DOK6: variants seen among roughly 807,000 people sequenced by gnomAD.
DOK6 encodes docking protein 6.
DOK6 carries 22 observed loss-of-function variants against 44.0 expected under a neutral mutation model. That is an observed-to-expected ratio of 0.50 (90% CI 0.36 to 0.71). The LOEUF (loss-of-function observed/expected upper bound fraction) is 0.71, where lower values mean the gene tolerates loss of function less well. Ranked by LOEUF, DOK6 falls within the 30% of genes least tolerant of loss-of-function variation. The probability of loss-of-function intolerance (pLI) is 0.00; values close to 1 mark genes in which losing one functional copy is unlikely to be tolerated. For missense variants in DOK6, 340 were observed against 416.4 expected (o/e 0.82, Z 1.60); for synonymous variants, 166 against 145.5 (o/e 1.14, Z -1.01).
intron 3 of DOK6, among the ~76,000 whole-genome samples, chr18:69,629,179 A>T (rs1984629756): frequency 6.6e-6 from 1 of 152,204 alleles, no homozygotes; most frequent in Non-Finnish European, 1.5e-5. Context: ...AGGCAGCTTC[A>T]TATCTATGCA....
intron 3 of DOK6, among the ~76,000 whole-genome samples, chr18:69,667,146 C>T (rs1985681005): frequency 1.3e-5 from 2 of 152,180 alleles, no homozygotes; most frequent in East Asian, 1.9e-4. Flanking sequence ...TCTAGAATCT[C>T]ATATCTTGGG....
At chr18:69,550,630 A>G (rs1010325691) in intron 1 of DOK6, among the ~76,000 whole-genome samples, 1 of 152,174 alleles carries the variant, frequency 6.6e-6, no homozygotes. Context: ...TGAGAAAAAT[A>G]TGAGGAAAAT....
intron 1 of DOK6, among the ~76,000 whole-genome samples, chr18:69,558,539 A>G (rs1246776687): frequency 1.3e-5 from 2 of 152,190 alleles, no homozygotes; most frequent in African/African-American, 4.8e-5. Flanking sequence ...TGACTAGTCC[A>G]TAGCCATGGT....
chr18:69,808,443 G>A (rs1981119022), intron 7 of DOK6, among the ~76,000 whole-genome samples: 1 of 151,552 alleles, frequency 6.6e-6, no homozygotes, highest in South Asian at 2.1e-4. Context: ...CAGACTCAAA[G>A]TAAACGAGTT....
chr18:69,437,651 G>A (rs1979020644), intron 1 of DOK6, among the ~76,000 whole-genome samples: 1 of 152,058 alleles, frequency 6.6e-6, no homozygotes, highest in Non-Finnish European at 1.5e-5. Flanking sequence ...TTGGCTATAT[G>A]GGCTCTTTTT....
chr18:69,687,533 T>C (rs1460000336), intron 4 of DOK6, among the ~76,000 whole-genome samples: 1 of 151,982 alleles, frequency 6.6e-6, no homozygotes, highest in East Asian at 1.9e-4. Context: ...AACACAAAAA[T>C]TAGCCAGGTG....
intron 5 of DOK6, among the ~76,000 whole-genome samples, chr18:69,721,756 A>G (rs902211752): frequency 1.3e-5 from 2 of 152,240 alleles, no homozygotes; most frequent in Non-Finnish European, 2.9e-5. Context: ...TACATTAATG[A>G]GAATAAAAAT....
chr18:69,573,314 A>C (rs1229779855), intron 2 of DOK6, among the ~76,000 whole-genome samples: 1 of 151,950 alleles, frequency 6.6e-6, no homozygotes, highest in Non-Finnish European at 1.5e-5. Flanking sequence ...GGAACAGTTA[A>C]GGGAATCATC....
intron 5 of DOK6, chr18:69,725,049 A>C (rs917443852): frequency 1.3e-5 from 2 of 152,232 alleles, no homozygotes; most frequent in Admixed American, 1.3e-4. Flanking sequence ...TACATGATTC[A>C]TTCATTTCTA....
At chr18:69,738,898 A>C in intron 5 of DOK6, 67 bp from the exon 6 acceptor site, 2 of 1,575,518 alleles carry the variant, frequency 1.3e-6, no homozygotes, top group Non-Finnish European at 1.7e-6. Context: ...GGCTTTGTCT[A>C]CGTGGAAAAC....
chr18:69,787,781 G>T (rs990112120), intron 7 of DOK6, among the ~76,000 whole-genome samples: 38 of 152,184 alleles, frequency 2.5e-4, no homozygotes, highest in Non-Finnish European at 5.1e-4. Context: ...TGCTTCTCTA[G>T]AGCCTGGGAG....
chr18:69,801,216 G>A (rs2575177), intron 7 of DOK6, among the ~76,000 whole-genome samples: 63,329 of 151,834 alleles, frequency 0.42, 15,042 homozygotes, highest in East Asian at 0.58. Flanking sequence ...CCCCAATCAT[G>A]AATGTTCTTA....
At chr18:69,809,994 G>A (rs1981174377) in intron 7 of DOK6, among the ~76,000 whole-genome samples, 1 of 151,750 alleles carries the variant, frequency 6.6e-6, no homozygotes, top group South Asian at 2.1e-4. Flanking sequence ...CTAAAATTCT[G>A]ATGGAATCAC....
intron 5 of DOK6, among the ~76,000 whole-genome samples, chr18:69,709,898 T>G (rs1308617172): frequency 6.6e-6 from 1 of 152,202 alleles, no homozygotes; most frequent in Non-Finnish European, 1.5e-5. Flanking sequence ...ACTTACTGGC[T>G]AGGCACCACT....
intron 1 of DOK6, among the ~76,000 whole-genome samples, chr18:69,479,184 T>C (rs1167903037): frequency 6.6e-6 from 1 of 152,108 alleles, no homozygotes; most frequent in East Asian, 1.9e-4. Flanking sequence ...ATAGGGTATT[T>C]GCCAGAGGGA....
intron 6 of DOK6, among the ~76,000 whole-genome samples, chr18:69,750,740 A>G (rs542931321): frequency 3.4e-4 from 52 of 152,310 alleles, no homozygotes; most frequent in Non-Finnish European, 6.2e-4. Context: ...TATGTACCCA[A>G]ATGATTTGAA....
rs1016654457 is a variant in DOK6 at position 69,790,436 on chromosome 18, A to T, written c.856+32563A>T. ...TCCCAGAACTTAAAGTATAATTTTT[A>T]AAAAATTGCTGTGTTTCTGAGAACC... On this transcript the variant is annotated intron_variant, in intron 7 of 7. Coordinates refer to ENST00000382713, the MANE Select transcript of DOK6 (RefSeq NM_152721.6). Among the ~76,000 whole-genome samples the T allele has an allele frequency of 2.0e-4, 30 of 152,260 alleles. 1 individual carries two copies. Among genetic ancestry groups the T allele is most frequent in the African/African-American group, 7.0e-4 (29 of 41,554 alleles).
chr18:69,689,520 G>C (rs1040853629), intron 4 of DOK6, among the ~76,000 whole-genome samples: 4 of 152,118 alleles, frequency 2.6e-5, no homozygotes, highest in African/African-American at 9.7e-5. Context: ...TCTGGCAAAA[G>C]ACACTTATAA....
intron 1 of DOK6, among the ~76,000 whole-genome samples, chr18:69,484,613 T>C (rs7239106): frequency 0.24 from 36,060 of 151,988 alleles, 4,572 homozygotes; most frequent in East Asian, 0.53. Flanking sequence ...TTTTTACCCA[T>C]GGATCAATAC....
Sources: gnomAD v4.1 joint callset for allele counts (sites outside exome capture counted in the v4.1 genomes callset) on GRCh38, gnomAD v4.1.1 for gene constraint, MANE v1.5 for transcripts, NCBI Gene and HGNC (gene_info 2026-07-23, HGNC 2026-07-21) for gene names.